Variants in FARSB observed in about 807,000 individuals in gnomAD.
FARSB encodes phenylalanyl-tRNA synthetase subunit beta.
A neutral mutation model predicts 69.6 loss-of-function variants in FARSB; 40 were observed. The observed-to-expected ratio is 0.57, with a 90% CI of 0.45 to 0.75. FARSB has a LOEUF of 0.75. FARSB is among the 30% of genes least tolerant of loss of function. FARSB has a pLI of 0.00. For missense variants in FARSB, 632 were observed against 722.9 expected (o/e 0.87, Z 1.44); for synonymous variants, 235 against 247.2 (o/e 0.95, Z 0.46).
intron 14 of FARSB, among the ~76,000 whole-genome samples, chr2:222,616,949 T>C (rs1028563518): frequency 2.0e-5 from 3 of 152,210 alleles, no homozygotes; most frequent in Non-Finnish European, 4.4e-5. Flanking sequence ...GGCACTCTCT[T>C]TGATCTTTAA....
chr2:222,639,268 G>T (rs1691655878), intron 5 of FARSB, among the ~76,000 whole-genome samples: 1 of 152,140 alleles, frequency 6.6e-6, no homozygotes, highest in Non-Finnish European at 1.5e-5. Context: ...ACAACAAAAA[G>T]CAGGGAAGTC....
intron 12 of FARSB, among the ~76,000 whole-genome samples, 184 bp from the exon 13 acceptor site, chr2:222,623,914 C>T (rs1342783429): frequency 6.6e-6 from 1 of 152,134 alleles, no homozygotes; most frequent in Non-Finnish European, 1.5e-5. Flanking sequence ...CCTCCTCCCT[C>T]CCCACCGCTC....
intron 10 of FARSB, among the ~76,000 whole-genome samples, chr2:222,627,546 A>G (rs1559209036): frequency 6.6e-6 from 1 of 152,234 alleles, no homozygotes; most frequent in Non-Finnish European, 1.5e-5. Flanking sequence ...TGACCAAAAG[A>G]ATCATGAGAT....
At chr2:222,609,842 A>T (rs1022641588) in intron 15 of FARSB, among the ~76,000 whole-genome samples, 2 of 152,220 alleles carry the variant, frequency 1.3e-5, no homozygotes, top group Non-Finnish European at 2.9e-5. Flanking sequence ...TTACAGGAAT[A>T]CTGGTCACAT....
chr2:222,655,695 T>C (rs1045258490), intron 1 of FARSB, among the ~76,000 whole-genome samples: 1 of 152,230 alleles, frequency 6.6e-6, no homozygotes, highest in Non-Finnish European at 1.5e-5. Flanking sequence ...CTGGCTACGC[T>C]CGGGATGCAA....
At chr2:222,630,319 A>T (rs947314751) in intron 8 of FARSB, 145 bp from the exon 9 acceptor site, 2 of 519,742 alleles carry the variant, frequency 3.8e-6, no homozygotes, top group Non-Finnish European at 6.7e-6. Flanking sequence ...TGGAATAAAA[A>T]CATGAGTAGG....
At position 222,595,461 on chromosome 2, in the gene FARSB, C is replaced by T. The variant is rs147631295; in HGVS notation, c.1618+4467G>A. Among the ~76,000 whole-genome samples the T allele has an allele frequency of 1.4e-3, 219 of 152,282 alleles. 1 individual carries two copies. The highest frequency in any genetic ancestry group is 0.013 in the Admixed American group (192 of 15,290). On this transcript the variant is annotated intron_variant, in intron 16 of 16. Coordinates refer to ENST00000281828, the MANE Select transcript of FARSB (RefSeq NM_005687.5). The stretch of plus-strand genomic sequence containing the variant: ...TTACTGTAGCAGAAGGTACTACCCA[C>T]TGTGTATACAGATGGTACAGGATTA...
rs767158624 is a variant in FARSB at position 222,630,194 on chromosome 2, A to G, written c.787-20T>C. 21 of 1,242,954 alleles carry G rather than the reference A, an allele frequency of 1.7e-5. No homozygotes were observed. Among genetic ancestry groups the G allele is most frequent in the Non-Finnish European group, 2.4e-5 (21 of 877,190 alleles). The allele number at this position is 1,242,954 out of a possible 1,614,324, so 77.0% of individuals were successfully genotyped here. ...TTTTGCCTGCAAAGAAAAGAAAAAC[A>G]AATATAGTAATCTATAAATATATTC... is the stretch of plus-strand genomic sequence containing the variant. On this transcript the variant is annotated intron_variant, in intron 8 of 16. Coordinates refer to ENST00000281828, the MANE Select transcript of FARSB (RefSeq NM_005687.5).
At chr2:222,618,290 CACTTTTAGA>C (rs1420316681) in intron 14 of FARSB, among the ~76,000 whole-genome samples, 6 of 152,110 alleles carry the variant, frequency 3.9e-5, no homozygotes, top group Non-Finnish European at 5.9e-5. Flanking sequence ...TAGTTTTAAA[CACTTTTAGA>C]ACTTTTAGAA....
chr2:222,655,501 A>G (rs1241223630), intron 1 of FARSB, among the ~76,000 whole-genome samples: 4 of 152,198 alleles, frequency 2.6e-5, no homozygotes, highest in African/African-American at 7.2e-5. Flanking sequence ...CAGAACGTGG[A>G]CCTGACGTGT....
At position 222,632,142 on chromosome 2, in the gene FARSB, AT is replaced by A. The variant is rs200333076; in HGVS notation, c.716-469del. 9.8e-3 allele frequency among the ~76,000 whole-genome samples: 1,493 copies of A among 152,200 alleles called. 20 individuals are homozygous for A. Among genetic ancestry groups the A allele is most frequent in the African/African-American group, 0.034 (1,430 of 41,490 alleles). On this transcript the variant is annotated intron_variant, in intron 7 of 16. Transcript: ENST00000281828. ...TCTCTGTCTCAAAAAAATAAAAATA[AT>A]AAAAAAAAAACCTAACATCTTAAGA...
Position 222,634,501 on chromosome 2 carries a change from T to C in FARSB, c.496A>G (p.Thr166Ala), listed in dbSNP as rs201121026. 1.9e-6 allele frequency: 3 copies of C among 1,613,418 alleles called. No homozygotes were observed. Among genetic ancestry groups the C allele is most frequent in the Non-Finnish European group, 2.5e-6 (3 of 1,179,594 alleles). Residue 166 changes from threonine to alanine, a missense_variant, in exon 6 of 17, where the codon ACT (threonine) becomes GCT (alanine). Thr to Ala is a moderately conservative substitution (Grantham distance 58). Coordinates refer to ENST00000281828, the MANE Select transcript of FARSB (RefSeq NM_005687.5). Reference protein sequence around the residue: ...LVAIGTHDLDTLSGPFTYTAK... With the variant: ...LVAIGTHDLDALSGPFTYTAK... ...GTATAAGTAAATGGGCCCGACAAAG[T>C]GTCCAAATCATGGGTACCAATGGCA...
rs116197636 is a variant in FARSB at position 222,611,813 on chromosome 2, C to T, written c.1462+1998G>A. ...CCAGGACTAAAATACTGCCAAGTGC[C>T]CCATCCCTACAACAGCCCCAGCTTC... is the stretch of plus-strand genomic sequence containing the variant. On this transcript the variant is annotated intron_variant, in intron 15 of 16. Transcript: ENST00000281828. Among the ~76,000 whole-genome samples, 355 of 152,222 alleles carry T rather than the reference C, an allele frequency of 2.3e-3. 2 individuals carry two copies. The highest frequency in any genetic ancestry group is 8.3e-3 in the African/African-American group (344 of 41,534).
At chr2:222,626,060 A>C (rs1168597203) in intron 10 of FARSB, among the ~76,000 whole-genome samples, 1 of 152,024 alleles carries the variant, frequency 6.6e-6, no homozygotes, top group Non-Finnish European at 1.5e-5. Context: ...CAGCCTGGCC[A>C]ATGTAGTGAA....
intron 16 of FARSB, among the ~76,000 whole-genome samples, chr2:222,594,854 G>A (rs1186798925): frequency 1.3e-5 from 2 of 152,200 alleles, no homozygotes; most frequent in African/African-American, 2.4e-5. Flanking sequence ...ACAAGAGAGT[G>A]AGGCAAGAGC....
intron 14 of FARSB, among the ~76,000 whole-genome samples, chr2:222,614,856 C>T (rs1461757575): frequency 1.3e-5 from 2 of 151,930 alleles, no homozygotes; most frequent in Non-Finnish European, 2.9e-5. Context: ...ATAAATAAAA[C>T]CATAAATAAA....
At chr2:222,623,089 G>A (rs190193184) in intron 13 of FARSB, among the ~76,000 whole-genome samples, 4 of 152,248 alleles carry the variant, frequency 2.6e-5, no homozygotes, top group Non-Finnish European at 5.9e-5. Context: ...GGGAAAAACG[G>A]AACTACAAAT....
intron 14 of FARSB, among the ~76,000 whole-genome samples, chr2:222,618,934 A>G (rs193221181): frequency 1.3e-5 from 2 of 152,234 alleles, no homozygotes; most frequent in Admixed American, 1.3e-4. Context: ...TGAGATCAGG[A>G]GTTCAGAACC....
chr2:222,616,190 C>A (rs893433131), intron 14 of FARSB, among the ~76,000 whole-genome samples: 1 of 151,860 alleles, frequency 6.6e-6, no homozygotes, highest in African/African-American at 2.4e-5. Context: ...AAAAGAAAGA[C>A]GGAAGGATGA....
Sources: allele counts gnomAD v4.1 joint callset (sites outside exome capture counted in the v4.1 genomes callset), GRCh38; gene constraint gnomAD v4.1.1; transcripts MANE v1.5; gene names NCBI Gene and HGNC (gene_info 2026-07-23, HGNC 2026-07-21).